The following SLC14A2 variants were observed in gnomAD, a reference collection of about 807,000 sequenced individuals.
SLC14A2 encodes solute carrier family 14 member 2.
SLC14A2 carries 91 observed loss-of-function variants against 104.6 expected under a neutral mutation model. The ratio of observed to expected loss-of-function variants is 0.87; its 90% CI spans 0.73 to 1.04. SLC14A2 has a LOEUF of 1.04. SLC14A2 is among the 50% of genes least tolerant of loss of function. The pLI is 0.00. For missense variants in SLC14A2, 1,189 were observed against 1,156.0 expected, an observed-to-expected ratio of 1.03 and a Z score of -0.41; for synonymous variants, 476 against 466.4, an observed-to-expected ratio of 1.02 and a Z score of -0.27.
chr18:45,663,946 TCCTA>T, intron 11 of SLC14A2, 39 bp downstream of exon 11: 2 of 1,569,044 alleles, frequency 1.3e-6, no homozygotes, highest in Non-Finnish European at 1.7e-6. Context: ...ATCCCTGCCT[TCCTA>T]GTCTCTAATA....
intron 1 of SLC14A2, among the ~76,000 whole-genome samples, chr18:45,311,224 G>A (rs574199396): frequency 7.2e-5 from 11 of 152,338 alleles, no homozygotes; most frequent in African/African-American, 2.6e-4. Flanking sequence ...AAGTCAGAAG[G>A]CTGTGGTAGG....
chr18:45,681,891 T>G (rs993280270), intron 19 of SLC14A2, among the ~76,000 whole-genome samples: 1 of 152,234 alleles, frequency 6.6e-6, no homozygotes, highest in African/African-American at 2.4e-5. Flanking sequence ...CAATCAGCTA[T>G]GACCAAACAG....
intron 5 of SLC14A2, among the ~76,000 whole-genome samples, chr18:45,636,351 T>C (rs894909020): frequency 1.3e-5 from 2 of 152,232 alleles, no homozygotes; most frequent in African/African-American, 4.8e-5. Context: ...ACATTGTTCC[T>C]TCAGCCTGTA....
chr18:45,518,745 AT>A (rs1568255169), intron 2 of SLC14A2, among the ~76,000 whole-genome samples: 2 of 151,906 alleles, frequency 1.3e-5, no homozygotes, highest in Admixed American at 6.6e-5. Context: ...CTAAAATTGA[AT>A]TTTTTTTCTA....
At chr18:45,542,143 G>T (rs981028445) in intron 2 of SLC14A2, 1 of 136,200 alleles carries the variant, frequency 7.3e-6, no homozygotes, top group Non-Finnish European at 1.5e-5. Context: ...GCCTGAAATA[G>T]CCTCTAGCAT....
intron 2 of SLC14A2, among the ~76,000 whole-genome samples, chr18:45,540,394 G>C (rs377607005): frequency 1.3e-5 from 2 of 152,214 alleles, no homozygotes; most frequent in South Asian, 4.1e-4. Context: ...ACCCTGTTGT[G>C]GGCAGTCACA....
the SLC14A2 span, among the ~76,000 whole-genome samples, chr18:45,195,924 C>A: frequency 6.6e-6 from 1 of 151,986 alleles, no homozygotes; most frequent in African/African-American, 2.4e-5. Context: ...AAGAAAAATT[C>A]GTGAATCGGG....
At chr18:45,572,958 T>C (rs1229547699) in intron 2 of SLC14A2, among the ~76,000 whole-genome samples, 5 of 152,222 alleles carry the variant, frequency 3.3e-5, no homozygotes, top group Non-Finnish European at 7.3e-5. Context: ...ATTGTTATTG[T>C]CACCATGTTG....
Position 45,665,688 on chromosome 18 carries a change from C to CTTTT in SLC14A2, c.1475-424_1475-421dup, listed in dbSNP as rs146248418. On this transcript the variant is annotated intron_variant, in intron 11 of 19. Coordinates refer to ENST00000255226, the MANE Select transcript of SLC14A2 (RefSeq NM_007163.4). ...AAGGGCTTCAACAACAACCAAGTTTCTTTTTTTTTTTTTTTTTTTTTTTTT... is the reference window on the plus strand; with the variant it reads ...AAGGGCTTCAACAACAACCAAGTTTCTTTTTTTTTTTTTTTTTTTTTTTTTTTTT... Among the ~76,000 whole-genome samples, 252 of 79,306 alleles carry CTTTT rather than the reference C, an allele frequency of 3.2e-3. 19 individuals are homozygous for CTTTT. Among genetic ancestry groups the CTTTT allele is most frequent in the African/African-American group, 8.9e-3 (161 of 18,134 alleles). The allele number at this position is 79,306 out of a possible 152,430, so 52.0% of individuals were successfully genotyped here.
At chr18:45,658,916 A>G (rs554745784) in intron 10 of SLC14A2, among the ~76,000 whole-genome samples, 2 of 152,246 alleles carry the variant, frequency 1.3e-5, no homozygotes, top group South Asian at 4.1e-4. Flanking sequence ...TCCTTCTCTG[A>G]GTCAATCAAA....
At chr18:45,183,510 C>A in the SLC14A2 span, among the ~76,000 whole-genome samples, 7 of 152,148 alleles carry the variant, frequency 4.6e-5, no homozygotes, top group African/African-American at 1.7e-4. Flanking sequence ...GATCATGTTT[C>A]TTTAGCCCAC....
intron 2 of SLC14A2, among the ~76,000 whole-genome samples, chr18:45,491,137 G>A (rs956930966): frequency 3.9e-5 from 6 of 152,214 alleles, no homozygotes; most frequent in African/African-American, 1.4e-4. Context: ...ACTCCGGTGT[G>A]TAATAGGACA....
At chr18:45,215,842 A>ATT (rs111843378) in intron 1 of SLC14A2, among the ~76,000 whole-genome samples, 16,054 of 151,166 alleles carry the variant, frequency 0.11, 859 homozygotes, top group Non-Finnish European at 0.12. Context: ...CTATAATGGT[A>ATT]TTTTTTTTTG....
At chr18:45,673,280 A>G (rs2144650560) in intron 17 of SLC14A2, among the ~76,000 whole-genome samples, 1 of 152,286 alleles carries the variant, frequency 6.6e-6, no homozygotes, top group East Asian at 1.9e-4. Context: ...ATAAATTTAA[A>G]GTTTGGGGGA....
At chr18:45,169,967 G>A in the SLC14A2 span, among the ~76,000 whole-genome samples, 1 of 152,054 alleles carries the variant, frequency 6.6e-6, no homozygotes, top group Admixed American at 6.6e-5. Flanking sequence ...TATCTCAAGA[G>A]GGCTACAACC....
chr18:45,432,079 C>T (rs1353812994), intron 1 of SLC14A2, among the ~76,000 whole-genome samples: 1 of 152,202 alleles, frequency 6.6e-6, no homozygotes, highest in Admixed American at 6.5e-5. Flanking sequence ...CCCAGCAAGA[C>T]AATGCCTCGT....
chr18:45,474,475 T>C (rs189412925), intron 1 of SLC14A2, among the ~76,000 whole-genome samples: 88 of 152,326 alleles, frequency 5.8e-4, no homozygotes, highest in African/African-American at 2.1e-3. Flanking sequence ...TTTGTACCTC[T>C]GGTATAATTT....
At chr18:45,280,860 C>A (rs2084755355) in intron 1 of SLC14A2, among the ~76,000 whole-genome samples, 1 of 152,186 alleles carries the variant, frequency 6.6e-6, no homozygotes, top group Admixed American at 6.5e-5. Context: ...TCTCACCTAA[C>A]CCTGCCACCA....
chr18:45,673,356 A>G (rs904228734), intron 17 of SLC14A2, among the ~76,000 whole-genome samples: 3 of 152,202 alleles, frequency 2.0e-5, no homozygotes, highest in African/African-American at 7.2e-5. Flanking sequence ...TTCGTTCTCC[A>G]TTAGAGAATT....
Sources: gnomAD v4.1 joint callset for allele counts (sites outside exome capture counted in the v4.1 genomes callset) on GRCh38, gnomAD v4.1.1 for gene constraint, MANE v1.5 for transcripts, NCBI Gene and HGNC (gene_info 2026-07-23, HGNC 2026-07-21) for gene names.